The following GPR139 variants were observed in gnomAD, a reference collection of about 807,000 sequenced individuals.
GPR139 encodes the protein G protein-coupled receptor 139, also known as probable G protein-coupled receptor 139.
GPR139 carries 12 observed loss-of-function variants against 25.8 expected under a neutral mutation model. The ratio of observed to expected loss-of-function variants is 0.47; its 90% confidence interval spans 0.30 to 0.75. The LOEUF is 0.75. Ranked by LOEUF, GPR139 falls within the 30% of genes least tolerant of loss-of-function variation. The pLI is 0.07. For missense variants in GPR139, 380 were observed against 450.2 expected (o/e 0.84, Z 1.41); for synonymous variants, 184 against 179.9 (o/e 1.02, Z -0.18).
intron 1 of GPR139, among the ~76,000 whole-genome samples, chr16:20,051,506 G>T (rs1216384448): frequency 6.6e-6 from 1 of 152,192 alleles, no homozygotes; most frequent in South Asian, 2.1e-4. Context: ...ACGTGGACAG[G>T]CAGGGAACAG....
rs2057287413 is a variant in GPR139, at chr16:20,031,422, A to G, written c.*313T>C. The G allele has an allele frequency of 2.9e-6, 1 of 350,628 alleles. No homozygotes were observed. Among genetic ancestry groups the G allele is most frequent in the Admixed American group, 4.3e-5 (1 of 23,316 alleles). The allele number at this position is 350,628 out of a possible 1,614,324, so 21.7% of individuals were successfully genotyped here. ...CTGTGGATGGTACCAGGGCGAAATCACAGACTACTTCTCTACTTTGTGTCC... is the reference window on the plus strand; with the variant it reads ...CTGTGGATGGTACCAGGGCGAAATCGCAGACTACTTCTCTACTTTGTGTCC... On this transcript the variant is annotated 3_prime_UTR_variant, in exon 2 of 2. Coordinates refer to ENST00000570682, the MANE Select transcript of GPR139 (RefSeq NM_001002911.4).
Position 20,028,679 on chromosome 16 carries a change from C to A in GPR139, c.*3056G>T, listed in dbSNP as rs1880476195. On this transcript the variant is annotated 3_prime_UTR_variant, in exon 2 of 2. Transcript: ENST00000570682. ...CTCCGGTCTGTCTTTTATGGTTTGT[C>A]TGTCATTCCCCTCATTTCCTTCCCC... 6.6e-6 allele frequency among the ~76,000 whole-genome samples: 1 copy of A among 152,164 alleles called. No individual in the cohort carries two copies. Among genetic ancestry groups the A allele is most frequent in the Admixed American group, 6.5e-5 (1 of 15,280 alleles).
chr16:20,037,835 A>G (rs934163869), intron 1 of GPR139, among the ~76,000 whole-genome samples: 11 of 152,112 alleles, frequency 7.2e-5, no homozygotes, highest in African/African-American at 2.7e-4. Flanking sequence ...CCTGACTTAG[A>G]AAAGTGCCAT....
At chr16:20,063,765 GC>G (rs2057422180) in intron 1 of GPR139, among the ~76,000 whole-genome samples, 1 of 152,196 alleles carries the variant, frequency 6.6e-6, no homozygotes, top group Non-Finnish European at 1.5e-5. Context: ...GAGACTGCTA[GC>G]AGTGTGATTT....
chr16:20,039,161 T>C (rs996145804), intron 1 of GPR139, among the ~76,000 whole-genome samples: 6 of 152,264 alleles, frequency 3.9e-5, no homozygotes, highest in Admixed American at 1.3e-4. Context: ...GTTATATTCT[T>C]GAGGGAATTC....
At chr16:20,049,584 G>C (rs2057365273) in intron 1 of GPR139, among the ~76,000 whole-genome samples, 1 of 152,226 alleles carries the variant, frequency 6.6e-6, no homozygotes, top group Admixed American at 6.5e-5. Context: ...CTCAGAAATA[G>C]AATTCATTTC....
intron 1 of GPR139, among the ~76,000 whole-genome samples, chr16:20,038,327 ATATGTGTGTGTGTG>A (rs1396236443): frequency 8.6e-5 from 7 of 81,500 alleles, no homozygotes; most frequent in Admixed American, 2.7e-4. Context: ...GATAATATAT[ATATGTGTGTGTGTG>A]TGTGTGTGTG....
At position 20,032,349 on chromosome 16, in the gene GPR139, C is replaced by T; in HGVS notation, c.448G>A (p.Val150Ile). 6.2e-7 allele frequency: 1 copy of T among 1,614,202 alleles called. No individual in the cohort carries two copies. Among genetic ancestry groups the T allele is most frequent in the East Asian group, 2.2e-5 (1 of 44,894 alleles). The change falls in exon 2 of 2, where the codon GTA (valine) becomes ATA (isoleucine). Residue 150 changes from valine to isoleucine, a missense_variant. Coordinates refer to ENST00000570682, the MANE Select transcript of GPR139 (RefSeq NM_001002911.4). ...AGGAAGCAGGTGATGTAAACACTTA[C>T]AATGACTTTCCGGGTGCGGGCTGGG... ...SYPARTRKVIVSVYITCFLTS... is the reference protein window; with the variant it reads ...SYPARTRKVIISVYITCFLTS...
At chr16:20,046,474 T>C (rs770272829) in intron 1 of GPR139, among the ~76,000 whole-genome samples, 6 of 152,206 alleles carry the variant, frequency 3.9e-5, no homozygotes, top group Non-Finnish European at 8.8e-5. Context: ...GCTGAGCGTG[T>C]ATTATGTGCC....
chr16:20,047,679 A>G (rs535243339), intron 1 of GPR139, among the ~76,000 whole-genome samples: 17 of 152,282 alleles, frequency 1.1e-4, no homozygotes, highest in Non-Finnish European at 2.4e-4. Context: ...GCTGACCACA[A>G]TTTTAATGAT....
At chr16:20,050,263 C>T (rs2057367552) in intron 1 of GPR139, among the ~76,000 whole-genome samples, 1 of 152,102 alleles carries the variant, frequency 6.6e-6, no homozygotes, top group Admixed American at 6.5e-5. Context: ...GACTGGGAAG[C>T]AAAGCATGCC....
At chr16:20,041,521 C>G (rs764656883) in intron 1 of GPR139, among the ~76,000 whole-genome samples, 1 of 151,832 alleles carries the variant, frequency 6.6e-6, no homozygotes, top group East Asian at 2.0e-4. Flanking sequence ...GCTGCCACCT[C>G]CCTCACTGTT....
intron 1 of GPR139, among the ~76,000 whole-genome samples, chr16:20,066,894 AG>A (rs995379307): frequency 1.2e-4 from 19 of 152,302 alleles, no homozygotes; most frequent in African/African-American, 4.3e-4. Context: ...AGAGAAGGTG[AG>A]AAATTTGCCC....
At position 20,032,305 on chromosome 16, in the gene GPR139, G is replaced by C. The variant is rs759798192; in HGVS notation, c.492C>G (p.Tyr164Ter). 1.2e-6 allele frequency: 2 copies of C among 1,614,246 alleles called. No homozygotes were observed. Residue 164 changes from tyrosine (Y) to a stop codon, truncating the protein, a stop_gained, in exon 2 of 2, where the codon TAC becomes TAG. Coordinates refer to ENST00000570682, the MANE Select transcript of GPR139 (RefSeq NM_001002911.4). LOFTEE classifies it high-confidence loss of function. ...CTTCAGTCCAGATGTTGGGCCACCA[G>C]TAATAGGGGATGCTGGTCAGGAAGC... ...ITCFLTSIPYYWWPNIWTEDY... is the reference protein window; with the variant it reads ...ITCFLTSIPY
intron 1 of GPR139, among the ~76,000 whole-genome samples, chr16:20,044,051 G>A (rs1486879135): frequency 2.0e-5 from 3 of 152,160 alleles, no homozygotes; most frequent in Admixed American, 6.5e-5. Context: ...GGTTCAAAGG[G>A]ATGCTGTGAG....
intron 1 of GPR139, among the ~76,000 whole-genome samples, chr16:20,041,133 G>A (rs74886132): frequency 0.26 from 227 of 872 alleles, 22 homozygotes; most frequent in African/African-American, 0.37. Context: ...AAGGAAAGGA[G>A]AGGAGAGGAG....
intron 1 of GPR139, among the ~76,000 whole-genome samples, chr16:20,057,575 TCCATCCTTCCATCCATCCCTCCAC>T (rs1325748997): frequency 1.3e-5 from 2 of 150,228 alleles, no homozygotes; most frequent in African/African-American, 2.4e-5. Context: ...CCTTCCTCCA[TCCATCCTTCCATCCATCCCTCCAC>T]CCATCCCTCC....
intron 1 of GPR139, among the ~76,000 whole-genome samples, chr16:20,033,856 A>G (rs559555479): frequency 2.5e-4 from 38 of 152,084 alleles, no homozygotes; most frequent in Non-Finnish European, 3.1e-4. Context: ...TGCAAAAGTA[A>G]TTGGCAAAAA....
At chr16:20,058,916 C>T (rs2057400914) in intron 1 of GPR139, among the ~76,000 whole-genome samples, 1 of 152,216 alleles carries the variant, frequency 6.6e-6, no homozygotes, top group Non-Finnish European at 1.5e-5. Flanking sequence ...GCCGCGGGCG[C>T]TTCCCACAGC....
Sources: gnomAD v4.1 joint callset for allele counts (sites outside exome capture counted in the v4.1 genomes callset) on GRCh38, gnomAD v4.1.1 for gene constraint, MANE v1.5 for transcripts, NCBI Gene and HGNC (gene_info 2026-07-23, HGNC 2026-07-21) for gene names.